Variants in CHRM3 observed in about 807,000 individuals in gnomAD.
CHRM3 encodes cholinergic receptor muscarinic 3.
CHRM3 carries 11 observed loss-of-function variants against 41.8 expected under a neutral mutation model. The ratio of observed to expected loss-of-function variants is 0.26; its 90% CI spans 0.17 to 0.44. The LOEUF (loss-of-function observed/expected upper bound fraction) is 0.44. Among genes scored for constraint, CHRM3 ranks in the 20% least tolerant of loss-of-function variants. The probability of loss-of-function intolerance (pLI) is 1.00; values close to 1 mark genes in which losing one functional copy is unlikely to be tolerated. For missense variants in CHRM3, 571 were observed against 745.4 expected (o/e 0.77, Z 2.72); for synonymous variants, 297 against 301.4 (o/e 0.99, Z 0.15).
intron 5 of CHRM3, among the ~76,000 whole-genome samples, chr1:239,741,197 A>G (rs1473148819): frequency 6.6e-6 from 1 of 152,180 alleles, no homozygotes; most frequent in East Asian, 1.9e-4. Flanking sequence ...CAGCAGGTAA[A>G]CTTAGATATT....
At chr1:239,815,841 C>G (rs1671532524) in intron 5 of CHRM3, among the ~76,000 whole-genome samples, 1 of 152,176 alleles carries the variant, frequency 6.6e-6, no homozygotes, top group African/African-American at 2.4e-5. Flanking sequence ...TTTTATGCAT[C>G]TTTAAACTGC....
At chr1:239,577,028 T>C (rs1201786104) in intron 3 of CHRM3, among the ~76,000 whole-genome samples, 1 of 152,204 alleles carries the variant, frequency 6.6e-6, no homozygotes, top group African/African-American at 2.4e-5. Context: ...TTCAGAATTT[T>C]CTAGACCATT....
chr1:239,676,069 C>T (rs914163111), intron 4 of CHRM3, among the ~76,000 whole-genome samples: 3 of 152,156 alleles, frequency 2.0e-5, no homozygotes, highest in African/African-American at 7.2e-5. Flanking sequence ...TCCCTGTTTT[C>T]GCCTGTTACA....
At chr1:239,848,017 T>A (rs1054845539) in intron 6 of CHRM3, among the ~76,000 whole-genome samples, 3 of 148,402 alleles carry the variant, frequency 2.0e-5, no homozygotes, top group Non-Finnish European at 4.4e-5. Context: ...GCTGATCCAT[T>A]GAAGTATGTG....
At chr1:239,415,961 G>C (rs1466228896) in intron 1 of CHRM3, among the ~76,000 whole-genome samples, 1 of 152,162 alleles carries the variant, frequency 6.6e-6, no homozygotes, top group African/African-American at 2.4e-5. Context: ...AATTAAGGAA[G>C]AAAAGCAGAC....
intron 6 of CHRM3, among the ~76,000 whole-genome samples, chr1:239,871,027 C>T (rs964339839): frequency 2.0e-5 from 3 of 152,140 alleles, no homozygotes; most frequent in East Asian, 1.9e-4. Flanking sequence ...ACAGTGTCCT[C>T]GCTTTGAGAC....
At chr1:239,821,666 T>C (rs1378700206) in intron 5 of CHRM3, among the ~76,000 whole-genome samples, 1 of 152,180 alleles carries the variant, frequency 6.6e-6, no homozygotes, top group Non-Finnish European at 1.5e-5. Flanking sequence ...GAAACTACTT[T>C]ATTGAAGTTT....
chr1:239,749,492 A>C (rs1421941961), intron 5 of CHRM3, among the ~76,000 whole-genome samples: 6 of 152,140 alleles, frequency 3.9e-5, no homozygotes, highest in Admixed American at 3.9e-4. Flanking sequence ...AACATGGTGA[A>C]ACCTGTCTCT....
intron 5 of CHRM3, among the ~76,000 whole-genome samples, chr1:239,767,137 T>A (rs1332003432): frequency 6.6e-6 from 1 of 152,224 alleles, no homozygotes; most frequent in African/African-American, 2.4e-5. Flanking sequence ...GTACTTTTTT[T>A]CCTGATAAAA....
rs141526386 is a variant in CHRM3 at position 239,422,062 on chromosome 1, A to G, written c.-521+34835A>G. On this transcript the variant is annotated intron_variant, in intron 1 of 6. Coordinates refer to ENST00000676153, the MANE Select transcript of CHRM3 (RefSeq NM_001375978.1). ...GGCCATGGGACCTGTTAGCTGAGAG[A>G]TAATAAATGATGCAAGAGACAGCTT... is the stretch of plus-strand genomic sequence containing the variant. 5.2e-3 allele frequency among the ~76,000 whole-genome samples: 798 copies of G among 152,330 alleles called. 1 individual carries two copies. The highest frequency in any genetic ancestry group is 8.2e-3 in the Non-Finnish European group (555 of 68,026).
At chr1:239,854,600 G>A (rs369909378) in intron 6 of CHRM3, among the ~76,000 whole-genome samples, 1 of 152,018 alleles carries the variant, frequency 6.6e-6, no homozygotes, top group South Asian at 2.1e-4. Flanking sequence ...CCTGTGAAGA[G>A]GATAAAGAGT....
chr1:239,516,412 G>A (rs1245396406), intron 2 of CHRM3, among the ~76,000 whole-genome samples: 1 of 152,156 alleles, frequency 6.6e-6, no homozygotes, highest in African/African-American at 2.4e-5. Flanking sequence ...GCATGTGAAG[G>A]TGTTTAGCAC....
intron 6 of CHRM3, among the ~76,000 whole-genome samples, chr1:239,884,295 AAGTAGGC>A (rs1259465904): frequency 6.6e-6 from 1 of 152,192 alleles, no homozygotes; most frequent in Non-Finnish European, 1.5e-5. Flanking sequence ...GAGAGAAGAC[AAGTAGGC>A]AGTGTAACCA....
rs1680566051 is a variant in CHRM3 at position 239,914,949 on chromosome 1, C to T, written c.*5725C>T. The T allele has an allele frequency of 6.0e-6, 1 of 167,050 alleles. No homozygotes were observed. The highest frequency in any genetic ancestry group is 1.9e-4 in the East Asian group (1 of 5,200). 10.3% of individuals were successfully genotyped at this position (167,050 alleles called of 1,614,324 possible). On this transcript the variant is annotated 3_prime_UTR_variant, in exon 7 of 7. Coordinates refer to ENST00000676153, the MANE Select transcript of CHRM3 (RefSeq NM_001375978.1). ...ACTTCCTCTGGGCGTCTGCTTAGAGCTATGTGATGGCCACAGTTTGGGCAA... is the reference window on the plus strand; with the variant it reads ...ACTTCCTCTGGGCGTCTGCTTAGAGTTATGTGATGGCCACAGTTTGGGCAA...
chr1:239,535,394 T>C (rs762465109), intron 2 of CHRM3, among the ~76,000 whole-genome samples: 1 of 151,452 alleles, frequency 6.6e-6, no homozygotes. Flanking sequence ...ATTCCTGCCA[T>C]ATTACCAAGT....
rs543578622 is a variant in CHRM3, at chr1:239,743,799, T to C, written c.-147+65511T>C. On this transcript the variant is annotated intron_variant, in intron 5 of 6. Transcript: ENST00000676153. Reference sequence around the variant, plus strand: ...TTTCTTTTTTTTTTCTTTTTTTTTTTTTTTTTTTTTTGAGGCAGGGTCTCA... The same window carrying C: ...TTTCTTTTTTTTTTCTTTTTTTTTTCTTTTTTTTTTTGAGGCAGGGTCTCA... Among the ~76,000 whole-genome samples, 52 of 134,526 alleles carry C rather than the reference T, an allele frequency of 3.9e-4. No homozygotes were observed. The East Asian group carries it at 5.9e-3, about 15-fold the overall frequency. The allele number at this position is 134,526 out of a possible 152,430, so 88.3% of individuals were successfully genotyped here.
intron 1 of CHRM3, among the ~76,000 whole-genome samples, chr1:239,462,697 A>T (rs1281073521): frequency 6.6e-6 from 1 of 152,244 alleles, no homozygotes; most frequent in Non-Finnish European, 1.5e-5. Context: ...TACTTTTTGT[A>T]CATACAGCAT....
chr1:239,538,721 A>G (rs1658452723), intron 2 of CHRM3, among the ~76,000 whole-genome samples: 1 of 152,222 alleles, frequency 6.6e-6, no homozygotes, highest in Non-Finnish European at 1.5e-5. Context: ...TTTAATAGCC[A>G]ATAAATATAA....
At chr1:239,666,079 T>C (rs562519579) in intron 4 of CHRM3, among the ~76,000 whole-genome samples, 1 of 152,296 alleles carries the variant, frequency 6.6e-6, no homozygotes, top group Non-Finnish European at 1.5e-5. Flanking sequence ...TTCTAGATCC[T>C]TGAGGAATCA....
Sources: allele counts gnomAD v4.1 joint callset (sites outside exome capture counted in the v4.1 genomes callset), GRCh38; gene constraint gnomAD v4.1.1; transcripts MANE v1.5; gene names NCBI Gene and HGNC (gene_info 2026-07-23, HGNC 2026-07-21).